GNL3L: variants seen among roughly 807,000 people sequenced by gnomAD.
The protein encoded by GNL3L is guanine nucleotide-binding protein-like 3-like protein.
GNL3L carries 4 observed loss-of-function variants against 42.9 expected under a neutral mutation model. The observed-to-expected ratio is 0.09, with a 90% CI of 0.05 to 0.21. The LOEUF (loss-of-function observed/expected upper bound fraction) is 0.21, where lower values mean the gene tolerates loss of function less well. Ranked by LOEUF, GNL3L falls within the 10% of genes least tolerant of loss-of-function variation. The pLI is 1.00. For synonymous variants in GNL3L, 159 were observed against 176.3 expected (o/e 0.90, Z 0.78); for missense variants, 412 against 481.7 (o/e 0.86, Z 1.36).
downstream of GNL3L, among the ~76,000 whole-genome samples, chrX:54,622,084 C>T (rs2147541577): frequency 9.1e-6 from 1 of 110,080 alleles, no homozygotes; most frequent in Non-Finnish European, 1.9e-5. Flanking sequence ...GGCACCCTGT[C>T]TCTTAAAAAA....
At chrX:54,559,909 A>G (rs758021475) in intron 15 of GNL3L, among the ~76,000 whole-genome samples, 2 of 111,813 alleles carry the variant, frequency 1.8e-5, no homozygotes, top group South Asian at 7.4e-4. Context: ...TTGAACTCCT[A>G]GTCTTATTAG....
At chrX:54,531,437 C>T (rs892263149) in intron 1 of GNL3L, among the ~76,000 whole-genome samples, 3 of 111,199 alleles carry the variant, frequency 2.7e-5, no homozygotes, top group African/African-American at 9.8e-5. Context: ...TTTCTCTCCA[C>T]CCAGGGTAGA....
In GNL3L at chrX:54,541,252, C is replaced by T. The variant is rs370711561; in HGVS notation, c.190-21C>T. ...CTGCAGACCCAGTCAGCTCCAGTAC[C>T]AGTGTGTGTTCACTTGTTAGGTTGA... On this transcript the variant is annotated intron_variant, in intron 4 of 15. Transcript: ENST00000360845. 24 of 1,083,081 alleles carry T rather than the reference C, an allele frequency of 2.2e-5. No homozygotes were observed. In the African/African-American group the frequency reaches 3.7e-4, roughly 17 times the overall value. 89.3% of individuals were successfully genotyped at this position (1,083,081 alleles called of 1,213,427 possible).
chrX:54,594,131 T>C (rs757774893), intron 16 of GNL3L, among the ~76,000 whole-genome samples: 76 of 111,591 alleles, frequency 6.8e-4, no homozygotes, highest in Admixed American at 1.3e-3. Context: ...TATTCTATAC[T>C]GTAGATTAAG....
chrX:54,603,130 A>G (rs1201435149), intron 16 of GNL3L, among the ~76,000 whole-genome samples: 1 of 111,889 alleles, frequency 8.9e-6, no homozygotes, highest in Non-Finnish European at 1.9e-5. Context: ...AGCTATGACA[A>G]AAGGACCCTG....
In GNL3L at chrX:54,541,340, A is replaced by C; in HGVS notation, c.257A>C (p.Glu86Ala). 1 of 1,208,951 alleles carries C rather than the reference A, an allele frequency of 8.3e-7. No individual in the cohort carries two copies. The highest frequency in any genetic ancestry group is 2.3e-4 in the Middle Eastern group (1 of 4,352). The part of the protein sequence containing the change: ...EQERQKRRTI[E>A]SYCQDVLRRQ... ...GAAAGACAAAAACGCAGGACCATTG[A>C]GAGCTACTGTCAGGATGTCCTAAGA... Residue 86 changes from glutamate to alanine, a missense_variant, in exon 5 of 16, where the codon GAG becomes GCG. Physicochemically the swap from Glu to Ala is moderately radical, Grantham distance 107 (BLOSUM62 -1). Coordinates refer to ENST00000360845, the MANE Select transcript of GNL3L (RefSeq NM_001184819.2).
downstream of GNL3L, among the ~76,000 whole-genome samples, chrX:54,568,284 G>A (rs1925491263): frequency 1.8e-5 from 2 of 111,607 alleles, no homozygotes; most frequent in African/African-American, 6.5e-5. Flanking sequence ...TTAATAAATT[G>A]TTGGGAAGTT....
At chrX:54,548,838 C>T (rs752572842) in intron 9 of GNL3L, among the ~76,000 whole-genome samples, 1 of 110,817 alleles carries the variant, frequency 9.0e-6, no homozygotes, top group Admixed American at 9.6e-5. Flanking sequence ...TGTGAAGCCA[C>T]GTGAGAAAGA....
downstream of GNL3L, among the ~76,000 whole-genome samples, chrX:54,570,064 G>A (rs1925521842): frequency 8.9e-6 from 1 of 111,880 alleles, no homozygotes; most frequent in South Asian, 3.7e-4. Context: ...TGTCAACCAA[G>A]TTAAGTTGGT....
chrX:54,563,141 A>C lies in GNL3L; in HGVS notation c.*2539A>C, dbSNP rs1188230569. ...CTCTCCTGGTATGTGATAGTGTTAT[A>C]ATGAAAAATTGCATACCAGGACAGC... On this transcript the variant is annotated 3_prime_UTR_variant, in exon 16 of 16. Transcript: ENST00000360845. Among the ~76,000 whole-genome samples the C allele has an allele frequency of 8.9e-6, 1 of 111,886 alleles. No homozygotes were observed. Among genetic ancestry groups the C allele is most frequent in the Non-Finnish European group, 1.9e-5 (1 of 53,237 alleles).
chrX:54,586,449 C>G (rs1459645066), intron 16 of GNL3L, among the ~76,000 whole-genome samples: 2 of 111,976 alleles, frequency 1.8e-5, no homozygotes, highest in Non-Finnish European at 3.8e-5. Context: ...GCATCCTACT[C>G]TGTAACCAGG....
chrX:54,628,913 T>TAATTATAAAATATAATTATATAA, the GNL3L span, among the ~76,000 whole-genome samples: 12,473 of 101,558 alleles, frequency 0.12, 1,650 homozygotes, highest in African/African-American at 0.35. Flanking sequence ...AAACATAATA[T>TAATTATAAAATATAATTATATAA]AATATAATTA....
At position 54,566,276 on chromosome X, in the gene GNL3L, C is replaced by T. The variant is rs1210432005; in HGVS notation, c.*5674C>T. ...TTTGGCTGTGTCCACACCTAAATCT[C>T]GAATTGTAGTTCCCATAATCCCCAC... On this transcript the variant is annotated 3_prime_UTR_variant, in exon 16 of 16. Coordinates refer to ENST00000360845, the MANE Select transcript of GNL3L (RefSeq NM_001184819.2). Among the ~76,000 whole-genome samples the T allele has an allele frequency of 1.2e-4, 13 of 111,976 alleles. No homozygotes were observed. Among genetic ancestry groups the T allele is most frequent in the Admixed American group, 1.1e-3 (12 of 10,470 alleles).
Position 54,564,119 on chromosome X carries a change from G to A in GNL3L, c.*3517G>A, listed in dbSNP as rs757064421. Reference sequence around the variant, plus strand: ...ATTTGTTTTCTGCCCCTATAGTTTTGCTTTAGTATGACTGTCATATCAATA... The same window carrying A: ...ATTTGTTTTCTGCCCCTATAGTTTTACTTTAGTATGACTGTCATATCAATA... On this transcript the variant is annotated 3_prime_UTR_variant, in exon 16 of 16. Coordinates refer to ENST00000360845, the MANE Select transcript of GNL3L (RefSeq NM_001184819.2). Among the ~76,000 whole-genome samples the A allele has an allele frequency of 1.8e-5, 2 of 110,231 alleles. No individual in the cohort carries two copies. The highest frequency in any genetic ancestry group is 6.6e-5 in the African/African-American group (2 of 30,269).
intron 16 of GNL3L, among the ~76,000 whole-genome samples, chrX:54,572,310 A>T (rs1428217178): frequency 1.8e-5 from 2 of 109,911 alleles, no homozygotes; most frequent in Non-Finnish European, 3.8e-5. Context: ...TTCAGAGAGC[A>T]CAGGGTTGGG....
intron 16 of GNL3L, among the ~76,000 whole-genome samples, chrX:54,585,228 T>C (rs1445520451): frequency 8.9e-6 from 1 of 112,426 alleles, no homozygotes. Flanking sequence ...AATTTTCTTC[T>C]CTTGTAGTGT....
rs755180376 is a variant in GNL3L at position 54,532,366 on chromosome X, A to C, written c.-47-154A>C. 3.8e-4 allele frequency among the ~76,000 whole-genome samples: 42 copies of C among 110,886 alleles called. 1 individual carries two copies. The South Asian group carries it at 0.015, about 39-fold the overall frequency. ...GCCTTCTCTGTGTGGACTCAGCCAT[A>C]TGAGGCTTTAGCTCCAGCTTCTCCC... On this transcript the variant is annotated intron_variant, in intron 1 of 15. Transcript: ENST00000360845.
chrX:54,613,833 G>T (rs371226869), intron 16 of GNL3L, among the ~76,000 whole-genome samples: 18 of 110,328 alleles, frequency 1.6e-4, no homozygotes, highest in East Asian at 8.7e-4. Context: ...AGGGTGGGGG[G>T]TGTGCAATAG....
chrX:54,551,842 A>G lies in GNL3L; in HGVS notation c.1049A>G (p.Tyr350Cys), dbSNP rs1442092861. The change falls in exon 12 of 16, where the codon TAT (tyrosine) becomes TGT (cysteine). Residue 350 changes from tyrosine (Y) to cysteine (C), a missense_variant. Transcript: ENST00000360845. ...TCCTCCCTTCACCAGATTTCCAACT[A>G]TTATGGCGTCTCTGGGTTCCAGACC... ...QRCNLEEISN[Y>C]YGVSGFQTTE... 5 of 1,211,535 alleles carry G rather than the reference A, an allele frequency of 4.1e-6. No individual in the cohort carries two copies. The South Asian group carries it at 8.8e-5, about 21-fold the overall frequency.
Sources: allele counts gnomAD v4.1 joint callset (sites outside exome capture counted in the v4.1 genomes callset), GRCh38; gene constraint gnomAD v4.1.1; transcripts MANE v1.5; gene names NCBI Gene and HGNC (gene_info 2026-07-23, HGNC 2026-07-21).